Variants in SDK1 observed in about 807,000 individuals in gnomAD.
The protein encoded by SDK1 is sidekick cell adhesion molecule 1.
In SDK1, 157 loss-of-function variants were observed where a neutral mutation model predicts 245.5. The ratio of observed to expected loss-of-function variants is 0.64; its 90% CI spans 0.56 to 0.73. The LOEUF (loss-of-function observed/expected upper bound fraction) is 0.73, where lower values mean the gene tolerates loss of function less well. Among genes scored for constraint, SDK1 ranks in the 30% least tolerant of loss-of-function variants. SDK1 has a pLI of 0.00. For missense variants in SDK1, 3,583 were observed against 3,002.3 expected, an observed-to-expected ratio of 1.19 and a Z score of -4.52; for synonymous variants, 1,647 against 1,278.5, an observed-to-expected ratio of 1.29 and a Z score of -6.15.
chr7:3,406,838 T>C (rs914670680), intron 1 of SDK1, among the ~76,000 whole-genome samples: 1 of 152,200 alleles, frequency 6.6e-6, no homozygotes, highest in Admixed American at 6.5e-5. Flanking sequence ...ATTTAGGAAG[T>C]TAATTGAATC....
chr7:3,363,561 G>C (rs1050344541), intron 1 of SDK1, among the ~76,000 whole-genome samples: 8 of 152,078 alleles, frequency 5.3e-5, no homozygotes, highest in Non-Finnish European at 1.0e-4. Flanking sequence ...ACCAGGGACC[G>C]GTTTCTTCAA....
chr7:3,728,701 G>A (rs976588247), intron 4 of SDK1, among the ~76,000 whole-genome samples: 1 of 152,148 alleles, frequency 6.6e-6, no homozygotes, highest in African/African-American at 2.4e-5. Context: ...CACCTCCTGG[G>A]CTCAAGCAGT....
intron 1 of SDK1, among the ~76,000 whole-genome samples, chr7:3,564,933 G>T (rs959939117): frequency 6.6e-6 from 1 of 152,010 alleles, no homozygotes; most frequent in African/African-American, 2.4e-5. Flanking sequence ...ATCTCAAGCA[G>T]TCACTGTTTA....
intron 5 of SDK1, among the ~76,000 whole-genome samples, chr7:3,854,691 C>T (rs1009750625): frequency 6.6e-6 from 1 of 152,190 alleles, no homozygotes; most frequent in African/African-American, 2.4e-5. Flanking sequence ...GCAATATCTT[C>T]TGTAAACATT....
intron 4 of SDK1, among the ~76,000 whole-genome samples, chr7:3,815,633 T>C (rs1298756764): frequency 6.7e-6 from 1 of 150,136 alleles, no homozygotes; most frequent in Admixed American, 6.6e-5. Flanking sequence ...CCTCATAAAA[T>C]GAGTTAGGGA....
Position 3,962,673 on chromosome 7 carries a change from C to T in SDK1, c.1251C>T (p.Thr417=), listed in dbSNP as rs770218901. ...CCTACGCAGGGGTCCCCCTTCCCAC[C>T]CTCCAGTGGTACAAGGATGCCATCT... ...GCQAMGVPLP[T]LQWYKDAISI... Residue 417 remains threonine (T), a synonymous_variant, in exon 9 of 45, where the codon ACC becomes ACT. Coordinates refer to ENST00000404826, the MANE Select transcript of SDK1 (RefSeq NM_152744.4). 57 of 1,609,436 alleles carry T rather than the reference C, an allele frequency of 3.5e-5. No homozygotes were observed. In the South Asian group the frequency reaches 4.0e-4, roughly 11 times the overall value.
At chr7:4,226,484 G>A (rs925586448) in intron 40 of SDK1, among the ~76,000 whole-genome samples, 3 of 152,158 alleles carry the variant, frequency 2.0e-5, no homozygotes, top group South Asian at 2.1e-4. Flanking sequence ...TACACCCCCC[G>A]CACATTCTAC....
Position 4,053,443 on chromosome 7 carries a change from C to T in SDK1, c.2911+1613C>T, listed in dbSNP as rs145271808. Reference sequence around the variant, plus strand: ...GTTCCCTTCTTCCCCTCTCTGTCTTCATGGCGCTATTACTTCTTCCAATCT... The same window carrying T: ...GTTCCCTTCTTCCCCTCTCTGTCTTTATGGCGCTATTACTTCTTCCAATCT... On this transcript the variant is annotated intron_variant, in intron 19 of 44. Coordinates refer to ENST00000404826, the MANE Select transcript of SDK1 (RefSeq NM_152744.4). 1.6e-4 allele frequency among the ~76,000 whole-genome samples: 24 copies of T among 152,236 alleles called. No homozygotes were observed. In the East Asian group the frequency reaches 4.6e-3, roughly 29 times the overall value.
intron 1 of SDK1, among the ~76,000 whole-genome samples, chr7:3,615,364 G>A (rs1781732947): frequency 6.6e-6 from 1 of 151,588 alleles, no homozygotes; most frequent in South Asian, 2.1e-4. Context: ...TGGACACATG[G>A]CTACATTCAA....
chr7:4,250,441 T>C (rs1400309193), intron 44 of SDK1, among the ~76,000 whole-genome samples: 1 of 152,108 alleles, frequency 6.6e-6, no homozygotes, highest in Non-Finnish European at 1.5e-5. Flanking sequence ...CCTCCTGGGT[T>C]CAAGCAATTC....
intron 1 of SDK1, among the ~76,000 whole-genome samples, chr7:3,557,147 A>T (rs1026497829): frequency 4.6e-5 from 7 of 152,108 alleles, no homozygotes; most frequent in Non-Finnish European, 8.8e-5. Flanking sequence ...CAGTAGAAAA[A>T]AAATCAATGT....
At chr7:3,507,465 C>G (rs888685800) in intron 1 of SDK1, among the ~76,000 whole-genome samples, 3 of 152,146 alleles carry the variant, frequency 2.0e-5, no homozygotes, top group African/African-American at 4.8e-5. Flanking sequence ...GAATAATAGT[C>G]TAGTGTCAGG....
rs1159705490 is a variant in SDK1, at chr7:3,969,298, T to A, written c.1588T>A (p.Phe530Ile). 1 of 1,610,904 alleles carries A rather than the reference T, an allele frequency of 6.2e-7. No individual in the cohort carries two copies. ...LASGSVRIPR[F>I]MLLESGGLQI... ...CAGTGGCTCTGTCCGGATTCCTAGG[T>A]TCATGCTTCTTGAATCGGGGGGTCT... The change falls in exon 11 of 45, where the codon TTC (phenylalanine) becomes ATC (isoleucine). Residue 530 changes from phenylalanine (F) to isoleucine (I), a missense_variant. Phe to Ile is a conservative substitution (Grantham distance 21). Transcript: ENST00000404826.
At chr7:4,048,723 C>T (rs968651812) in intron 17 of SDK1, among the ~76,000 whole-genome samples, 24 of 152,314 alleles carry the variant, frequency 1.6e-4, no homozygotes, top group African/African-American at 4.1e-4. Flanking sequence ...TACAGTTACA[C>T]GAGCATGTCC....
At position 3,740,387 on chromosome 7, in the gene SDK1, T is replaced by C. The variant is rs543391789; in HGVS notation, c.714-81063T>C. The stretch of plus-strand genomic sequence containing the variant: ...CAGTTTTTCCATTTAAGGTTTTTGG[T>C]CTGTTGCTTGTTAGCCCCAGTTCAT... On this transcript the variant is annotated intron_variant, in intron 4 of 44. Coordinates refer to ENST00000404826, the MANE Select transcript of SDK1 (RefSeq NM_152744.4). Among the ~76,000 whole-genome samples, 45 of 152,306 alleles carry C rather than the reference T, an allele frequency of 3.0e-4. 1 individual carries two copies. Among genetic ancestry groups the C allele is most frequent in the African/African-American group, 1.1e-3 (45 of 41,576 alleles).
chr7:4,122,489 G>A (rs888278856), intron 25 of SDK1, among the ~76,000 whole-genome samples: 2 of 152,184 alleles, frequency 1.3e-5, no homozygotes, highest in Non-Finnish European at 2.9e-5. Flanking sequence ...GGCCCAGTGT[G>A]CAGGAGTGCT....
chr7:3,763,435 G>A (rs1425496634), intron 4 of SDK1, among the ~76,000 whole-genome samples: 1 of 151,954 alleles, frequency 6.6e-6, no homozygotes, highest in East Asian at 1.9e-4. Context: ...CGAACATTTT[G>A]CTATATTTAC....
intron 1 of SDK1, among the ~76,000 whole-genome samples, chr7:3,536,679 G>GT (rs1257156168): frequency 6.6e-6 from 1 of 151,496 alleles, no homozygotes; most frequent in Non-Finnish European, 1.5e-5. Flanking sequence ...GGGCAACAGA[G>GT]TGGGACTCTG....
chr7:3,742,583 A>T (rs1187326134), intron 4 of SDK1, among the ~76,000 whole-genome samples: 1 of 152,208 alleles, frequency 6.6e-6, no homozygotes, highest in Non-Finnish European at 1.5e-5. Flanking sequence ...TTCCTTTGCC[A>T]TGTCACTTCT....
Sources: gnomAD v4.1 joint callset for allele counts (sites outside exome capture counted in the v4.1 genomes callset) on GRCh38, gnomAD v4.1.1 for gene constraint, MANE v1.5 for transcripts, NCBI Gene and HGNC (gene_info 2026-07-23, HGNC 2026-07-21) for gene names.